Variants in CSMD1 observed in about 807,000 individuals in gnomAD.
The protein encoded by CSMD1 is CUB and sushi domain-containing protein 1.
Under a neutral mutation model 417.5 loss-of-function variants are expected in CSMD1, and 213 were observed. That is an observed-to-expected ratio of 0.51 (90% CI 0.46 to 0.57). CSMD1 has a LOEUF of 0.57. Ranked by LOEUF, CSMD1 falls within the 20% of genes least tolerant of loss-of-function variation. CSMD1 has a pLI of 0.00. For synonymous variants in CSMD1, 2,862 were observed against 1,736.8 expected (o/e 1.65, Z -16.11); for missense variants, 6,923 against 4,529.7 (o/e 1.53, Z -15.17).
chr8:4,117,845 A>G (rs143113706), intron 3 of CSMD1, among the ~76,000 whole-genome samples: 3 of 152,272 alleles, frequency 2.0e-5, no homozygotes, highest in African/African-American at 7.2e-5. Flanking sequence ...TTTCCAAACA[A>G]AAGACAGAGA....
chr8:3,684,176 A>G (rs1312094612), intron 7 of CSMD1, among the ~76,000 whole-genome samples: 3 of 133,046 alleles, frequency 2.3e-5, no homozygotes, highest in Non-Finnish European at 4.6e-5. Flanking sequence ...ATATATTTAC[A>G]TGTTACATGT....
At chr8:3,937,457 C>A (rs1409727664) in intron 5 of CSMD1, among the ~76,000 whole-genome samples, 2 of 152,112 alleles carry the variant, frequency 1.3e-5, no homozygotes, top group African/African-American at 2.4e-5. Context: ...GATCATCCAT[C>A]AACATTGACG....
intron 3 of CSMD1, among the ~76,000 whole-genome samples, chr8:4,047,706 C>A (rs2554554): frequency 0.038 from 5,796 of 152,136 alleles, 342 homozygotes; most frequent in African/African-American, 0.12. Context: ...TTTGTAATAG[C>A]TCAGTGGATT....
intron 1 of CSMD1, among the ~76,000 whole-genome samples, chr8:4,729,940 T>A (rs1246470321): frequency 1.3e-5 from 2 of 152,198 alleles, no homozygotes; most frequent in Non-Finnish European, 2.9e-5. Flanking sequence ...ATGGAATGAC[T>A]TGTGCGCACA....
chr8:4,419,316 A>C, intron 3 of CSMD1, among the ~76,000 whole-genome samples: 1 of 152,180 alleles, frequency 6.6e-6, no homozygotes, highest in East Asian at 1.9e-4. Flanking sequence ...TAACTAGTTC[A>C]ATTTCTTAAA....
intron 1 of CSMD1, among the ~76,000 whole-genome samples, chr8:4,992,106 T>C (rs1376528868): frequency 6.6e-6 from 1 of 151,976 alleles, no homozygotes; most frequent in Non-Finnish European, 1.5e-5. Context: ...CAAGAGGAGC[T>C]CTCTTCCACG....
chr8:3,476,770 T>C (rs1396641607), intron 11 of CSMD1, among the ~76,000 whole-genome samples: 1 of 151,682 alleles, frequency 6.6e-6, no homozygotes, highest in Non-Finnish European at 1.5e-5. Flanking sequence ...ATATGAACAT[T>C]AGCCAGGCTT....
intron 4 of CSMD1, among the ~76,000 whole-genome samples, chr8:4,027,672 T>C (rs1040801767): frequency 1.3e-5 from 2 of 152,280 alleles, no homozygotes; most frequent in African/African-American, 4.8e-5. Context: ...AGTAGCATGA[T>C]AACGGACTAA....
At chr8:3,380,878 C>G (rs1810586277) in intron 18 of CSMD1, among the ~76,000 whole-genome samples, 1 of 150,428 alleles carries the variant, frequency 6.6e-6, no homozygotes, top group South Asian at 2.1e-4. Context: ...TGTCCCAGAA[C>G]TTAAAGTATA....
intron 3 of CSMD1, among the ~76,000 whole-genome samples, chr8:4,369,027 G>C (rs2128911688): frequency 6.6e-6 from 1 of 152,028 alleles, no homozygotes; most frequent in East Asian, 1.9e-4. Flanking sequence ...AGTTCCTCTA[G>C]GTTTGATGTT....
At chr8:4,352,130 T>C (rs921992029) in intron 3 of CSMD1, among the ~76,000 whole-genome samples, 2 of 152,166 alleles carry the variant, frequency 1.3e-5, no homozygotes, top group African/African-American at 4.8e-5. Context: ...TGGACTGGCC[T>C]GTGGCCCCAA....
intron 5 of CSMD1, among the ~76,000 whole-genome samples, chr8:3,769,817 T>G (rs1246806608): frequency 6.6e-6 from 1 of 152,238 alleles, no homozygotes; most frequent in East Asian, 1.9e-4. Flanking sequence ...GATGCATGTG[T>G]GTTGAATCAG....
chr8:4,390,113 A>T (rs1803742462), intron 3 of CSMD1, among the ~76,000 whole-genome samples: 1 of 152,168 alleles, frequency 6.6e-6, no homozygotes, highest in South Asian at 2.1e-4. Flanking sequence ...GTATTCCATA[A>T]TTTTTAATGC....
intron 1 of CSMD1, among the ~76,000 whole-genome samples, chr8:4,789,430 G>C (rs1003618242): frequency 6.6e-6 from 1 of 152,082 alleles, no homozygotes; most frequent in African/African-American, 2.4e-5. Flanking sequence ...TGATAGTACT[G>C]TGTATCCCCA....
chr8:4,711,875 A>G (rs554068923), intron 1 of CSMD1, among the ~76,000 whole-genome samples: 38 of 152,210 alleles, frequency 2.5e-4, no homozygotes, highest in Non-Finnish European at 1.9e-4. Flanking sequence ...GATGGTGATG[A>G]TGGCACAAAT....
At chr8:3,537,483 C>G (rs958757246) in intron 10 of CSMD1, among the ~76,000 whole-genome samples, 1 of 152,122 alleles carries the variant, frequency 6.6e-6, no homozygotes, top group African/African-American at 2.4e-5. Context: ...AAAGTGATTT[C>G]CTCAGGAATT....
chr8:4,918,384 G>C (rs1054230616), intron 1 of CSMD1, among the ~76,000 whole-genome samples: 3 of 152,142 alleles, frequency 2.0e-5, no homozygotes, highest in Non-Finnish European at 4.4e-5. Flanking sequence ...GTTCCTCCCA[G>C]ATTCAGACCT....
chr8:3,916,648 G>A (rs1808849741), intron 5 of CSMD1, among the ~76,000 whole-genome samples: 3 of 152,118 alleles, frequency 2.0e-5, no homozygotes, highest in African/African-American at 7.2e-5. Context: ...TACCCTGACA[G>A]GCAACCCGGA....
At chr8:3,124,259 A>G (rs1169645749) in intron 41 of CSMD1, among the ~76,000 whole-genome samples, 1 of 152,226 alleles carries the variant, frequency 6.6e-6, no homozygotes, top group East Asian at 1.9e-4. Flanking sequence ...CTAGTTATAA[A>G]TGGAAACTAG....
Sources: allele counts gnomAD v4.1 joint callset (sites outside exome capture counted in the v4.1 genomes callset), GRCh38; gene constraint gnomAD v4.1.1; transcripts MANE v1.5; gene names NCBI Gene and HGNC (gene_info 2026-07-23, HGNC 2026-07-21).